ABLIM2: variants seen among roughly 807,000 people sequenced by gnomAD.
ABLIM2 encodes the protein actin-binding LIM protein 2.
ABLIM2 carries 53 observed loss-of-function variants against 97.7 expected under a neutral mutation model. The ratio of observed to expected loss-of-function variants is 0.54; its 90% CI spans 0.44 to 0.68. ABLIM2 has a LOEUF of 0.68. Ranked by LOEUF, ABLIM2 falls within the 30% of genes least tolerant of loss-of-function variation. The probability of loss-of-function intolerance (pLI) is 0.00; values close to 1 mark genes in which losing one functional copy is unlikely to be tolerated. For synonymous variants in ABLIM2, 361 were observed against 345.8 expected (o/e 1.04, Z -0.49); for missense variants, 835 against 867.2 (o/e 0.96, Z 0.47).
intron 17 of ABLIM2, chr4:7,989,348 G>A: frequency 1.1e-6 from 1 of 949,392 alleles, no homozygotes; most frequent in Non-Finnish European, 1.3e-6. Context: ...CAGAGTGCTG[G>A]GATTATAGGC....
At position 7,965,878 on chromosome 4, in the gene ABLIM2, T is replaced by C. The variant is rs1401314341; in HGVS notation, c.*1112A>G. The C allele has an allele frequency of 6.8e-6, 1 of 148,064 alleles. No individual in the cohort carries two copies. The highest frequency in any genetic ancestry group is 2.7e-5 in the African/African-American group (1 of 37,522). The allele number at this position is 148,064 out of a possible 1,614,324, so 9.2% of individuals were successfully genotyped here. On this transcript the variant is annotated 3_prime_UTR_variant, in exon 21 of 21. Transcript: ENST00000447017. ...CATCGCTCCTGGGGCATGTGGGGTT[T>C]ATGTTTCAGGCTGAGACACCGCCAG... is the stretch of plus-strand genomic sequence containing the variant.
At chr4:8,063,211 A>G (rs1317202209) in intron 6 of ABLIM2, among the ~76,000 whole-genome samples, 3 of 152,174 alleles carry the variant, frequency 2.0e-5, no homozygotes, top group Admixed American at 6.5e-5. Context: ...GACTGCAGGC[A>G]CACGCCACCA....
At position 7,984,824 on chromosome 4, in the gene ABLIM2, C is replaced by T. The variant is rs888559587; in HGVS notation, c.1735+15G>A. The T allele has an allele frequency of 2.6e-5, 41 of 1,587,990 alleles. No homozygotes were observed. Among genetic ancestry groups the T allele is most frequent in the Non-Finnish European group, 3.5e-5 (41 of 1,167,438 alleles). ...TGCCCCAGCCAGAGACCCACAGGGT[C>T]CCCGCTCTGTGTACCTCGCATGCCC... On this transcript the variant is annotated intron_variant, in intron 18 of 20. Transcript: ENST00000447017.
At chr4:8,154,848 T>C (rs373908733) in intron 1 of ABLIM2, among the ~76,000 whole-genome samples, 90 of 152,340 alleles carry the variant, frequency 5.9e-4, no homozygotes, top group African/African-American at 2.1e-3. Context: ...ATAGGTTTCA[T>C]GGACTTACAG....
At chr4:7,979,557 A>C (rs577133641) in intron 20 of ABLIM2, among the ~76,000 whole-genome samples, 1 of 152,346 alleles carries the variant, frequency 6.6e-6, no homozygotes, top group African/African-American at 2.4e-5. Flanking sequence ...AGCAGCTGTC[A>C]CCTTTGTTTC....
intron 1 of ABLIM2, among the ~76,000 whole-genome samples, chr4:8,151,018 T>A (rs565094098): frequency 6.6e-6 from 1 of 152,276 alleles, no homozygotes; most frequent in Non-Finnish European, 1.5e-5. Context: ...TGACTCTCAC[T>A]CAGCATCTCT....
At chr4:7,985,026 C>T (rs892879659) in intron 17 of ABLIM2, 133 bp from the exon 18 acceptor site, 1 of 868,748 alleles carries the variant, frequency 1.2e-6, no homozygotes, top group Non-Finnish European at 1.8e-6. Flanking sequence ...GTCCTTAGCA[C>T]AGCAGTGGGG....
chr4:8,016,866 T>G (rs1769705357), intron 14 of ABLIM2, among the ~76,000 whole-genome samples: 1 of 152,218 alleles, frequency 6.6e-6, no homozygotes, highest in South Asian at 2.1e-4. Context: ...GCAGCTTATG[T>G]GAAACGCTTT....
chr4:8,042,085 G>A (rs1234356045), intron 9 of ABLIM2, among the ~76,000 whole-genome samples: 1 of 152,158 alleles, frequency 6.6e-6, no homozygotes, highest in Non-Finnish European at 1.5e-5. Context: ...ATACCCCAAA[G>A]TACGGAGCCA....
chr4:8,039,191 A>G (rs116304051), intron 9 of ABLIM2, among the ~76,000 whole-genome samples: 1,581 of 152,290 alleles, frequency 0.01, 24 homozygotes, highest in African/African-American at 0.037. Context: ...CCAATCAAGC[A>G]TTTGCAAAAG....
At position 8,072,162 on chromosome 4, in the gene ABLIM2, G is replaced by A. The variant is rs1478883811; in HGVS notation, c.675+5466C>T. ...CCCTTTCTCCTCCACAGCAGAGGAG[G>A]AGGAAAAAACCCAGACCTGTTTTGC... On this transcript the variant is annotated intron_variant, in intron 6 of 20. Coordinates refer to ENST00000447017, the MANE Select transcript of ABLIM2 (RefSeq NM_001130083.2). The surrounding 1 kb of genome is among the most constrained non-coding windows in gnomAD (Gnocchi z 5.8). 1.3e-6 allele frequency: 1 copy of A among 760,574 alleles called. No homozygotes were observed. Among genetic ancestry groups the A allele is most frequent in the African/African-American group, 1.9e-5 (1 of 52,838 alleles). The allele number at this position is 760,574 out of a possible 1,614,324, so 47.1% of individuals were successfully genotyped here. A position where few individuals can be genotyped will look rare whatever the true frequency, so the allele number is the denominator to read the frequency against.
chr4:8,140,054 A>C lies in ABLIM2; in HGVS notation c.10+18626T>G, dbSNP rs1578479843. Reference sequence around the variant, plus strand: ...ACTTACAAGTGGGAGCTGAACAGTGAGAACACATGGAAACGGGGAGACGAA... The same window carrying C: ...ACTTACAAGTGGGAGCTGAACAGTGCGAACACATGGAAACGGGGAGACGAA... On this transcript the variant is annotated intron_variant, in intron 1 of 20. Transcript: ENST00000447017. The surrounding 1 kb of genome is among the most constrained non-coding windows in gnomAD (Gnocchi z 5.9). 7.0e-6 allele frequency among the ~76,000 whole-genome samples: 1 copy of C among 142,792 alleles called. No homozygotes were observed. Among genetic ancestry groups the C allele is most frequent in the East Asian group, 2.2e-4 (1 of 4,554 alleles). The allele number at this position is 142,792 out of a possible 152,430, so 93.7% of individuals were successfully genotyped here.
In ABLIM2 at chr4:8,019,779, A is replaced by G; in HGVS notation, c.1370-108T>C. ...AAGCAACAAGCACTCACCCAGATTT[A>G]GAATCATCAGGCAGGAACTGGCACC... On this transcript the variant is annotated intron_variant, in intron 13 of 20. Transcript: ENST00000447017. This position sits in a 1 kb window ranked among gnomAD's most constrained non-coding sequence, Gnocchi z 4.3. 1 of 1,112,442 alleles carries G rather than the reference A, an allele frequency of 9.0e-7. No individual in the cohort carries two copies. The highest frequency in any genetic ancestry group is 2.0e-4 in the Middle Eastern group (1 of 5,070). The allele number at this position is 1,112,442 out of a possible 1,614,324, so 68.9% of individuals were successfully genotyped here. A position where few individuals can be genotyped will look rare whatever the true frequency, so the allele number is the denominator to read the frequency against.
intron 11 of ABLIM2, among the ~76,000 whole-genome samples, chr4:8,028,081 T>A (rs1433004493): frequency 1.3e-5 from 2 of 152,254 alleles, no homozygotes; most frequent in Non-Finnish European, 2.9e-5. Context: ...GGGTGCTGCA[T>A]AGGAGCCTTG....
chr4:8,031,917 G>C (rs371495011), intron 10 of ABLIM2, among the ~76,000 whole-genome samples: 1 of 151,992 alleles, frequency 6.6e-6, no homozygotes, highest in Admixed American at 6.6e-5. Flanking sequence ...TGGAGACGGG[G>C]TTTCACTATG....
At chr4:8,041,630 C>T (rs975460915) in intron 9 of ABLIM2, among the ~76,000 whole-genome samples, 4 of 151,326 alleles carry the variant, frequency 2.6e-5, no homozygotes, top group Non-Finnish European at 4.4e-5. Flanking sequence ...AGGCTGGGCA[C>T]GGTGGCTCAC....
rs528682663 is a variant in ABLIM2 at position 8,155,894 on chromosome 4, G to A, written c.10+2786C>T. ...GCGAGGACACAGGGAGAGGGCGGCCGTCCACAAGCCAAGGAGAGGGGCTTT... is the reference window on the plus strand; with the variant it reads ...GCGAGGACACAGGGAGAGGGCGGCCATCCACAAGCCAAGGAGAGGGGCTTT... On this transcript the variant is annotated intron_variant, in intron 1 of 20. Coordinates refer to ENST00000447017, the MANE Select transcript of ABLIM2 (RefSeq NM_001130083.2). This position sits in a 1 kb window ranked among gnomAD's most constrained non-coding sequence, Gnocchi z 4.2. 2.6e-5 allele frequency among the ~76,000 whole-genome samples: 4 copies of A among 152,254 alleles called. No homozygotes were observed. The highest frequency in any genetic ancestry group is 3.9e-4 in the East Asian group (2 of 5,176).
chr4:8,121,234 TGTGA>T (rs1173699073), intron 1 of ABLIM2, among the ~76,000 whole-genome samples: 1 of 152,158 alleles, frequency 6.6e-6, no homozygotes, highest in Non-Finnish European at 1.5e-5. Flanking sequence ...CAGGAGTTTG[TGTGA>T]GTGTCAGGTG....
rs931812568 is a variant in ABLIM2, at chr4:8,075,519, C to A, written c.675+2109G>T. Among the ~76,000 whole-genome samples the A allele has an allele frequency of 6.6e-6, 1 of 151,860 alleles. No individual in the cohort carries two copies. Among genetic ancestry groups the A allele is most frequent in the South Asian group, 2.1e-4 (1 of 4,810 alleles). On this transcript the variant is annotated intron_variant, in intron 6 of 20. Transcript: ENST00000447017. This position sits in a 1 kb window ranked among gnomAD's most constrained non-coding sequence, Gnocchi z 4.4. The stretch of plus-strand genomic sequence containing the variant: ...ACCAGCTTGGGTGACATAGTGAGAC[C>A]CTGTCTCTACAAAAACTACAAAAAT...
Sources: allele counts gnomAD v4.1 joint callset (sites outside exome capture counted in the v4.1 genomes callset), GRCh38; gene constraint gnomAD v4.1.1; non-coding constraint Gnocchi (gnomAD v3.1); transcripts MANE v1.5; gene names NCBI Gene and HGNC (gene_info 2026-07-23, HGNC 2026-07-21).